The following ATP6V0A4 variants were observed in gnomAD, a reference collection of about 807,000 sequenced individuals.
ATP6V0A4 encodes V-type proton ATPase 116 kDa subunit a 4.
In ATP6V0A4, 86 loss-of-function variants were observed where a neutral mutation model predicts 107.3. The observed-to-expected ratio is 0.80, with a 90% confidence interval of 0.67 to 0.96. The LOEUF (loss-of-function observed/expected upper bound fraction) is 0.96. Ranked by LOEUF, ATP6V0A4 falls within the 40% of genes least tolerant of loss-of-function variation. The probability of loss-of-function intolerance (pLI) is 0.00; values close to 1 mark genes in which losing one functional copy is unlikely to be tolerated. For missense variants in ATP6V0A4, 908 were observed against 1,045.6 expected (o/e 0.87, Z 1.81); for synonymous variants, 353 against 381.4 (o/e 0.93, Z 0.87).
intron 21 of ATP6V0A4, among the ~76,000 whole-genome samples, chr7:138,707,175 T>TTA (rs1554385790): frequency 5.3e-5 from 3 of 56,682 alleles, no homozygotes; most frequent in Middle Eastern, 7.2e-3. Flanking sequence ...ATTATATATA[T>TTA]TATATAATAT....
In ATP6V0A4 at chr7:138,722,001, C is replaced by G; in HGVS notation, c.2035G>C (p.Asp679His). ...SQLQASRIQEDATENIEGDSS... is the reference protein window; with the variant it reads ...SQLQASRIQEHATENIEGDSS... ...TCACCTTCAATGTTCTCAGTGGCAT[C>G]TTCTTGGATCCTGGATGCCTGCAGC... Residue 679 changes from aspartate (D) to histidine (H), a missense_variant, in exon 19 of 22, where the codon GAT becomes CAT. By Grantham distance (81) the Asp-to-His change is moderately conservative. Coordinates refer to ENST00000310018, the MANE Select transcript of ATP6V0A4 (RefSeq NM_020632.3). 1 of 1,614,170 alleles carries G rather than the reference C, an allele frequency of 6.2e-7. No homozygotes were observed. The highest frequency in any genetic ancestry group is 8.5e-7 in the Non-Finnish European group (1 of 1,180,026).
rs532393068 is a variant in ATP6V0A4 at position 138,771,751 on chromosome 7, C to A, written c.-17-487G>T. The stretch of plus-strand genomic sequence containing the variant: ...CCTCCTGCCTCAGCCTCCTATGTAG[C>A]TGGGACTGCAGGTGTGCACCACCAC... On this transcript the variant is annotated intron_variant, in intron 2 of 21. Coordinates refer to ENST00000310018, the MANE Select transcript of ATP6V0A4 (RefSeq NM_020632.3). 3.3e-5 allele frequency among the ~76,000 whole-genome samples: 5 copies of A among 152,264 alleles called. No individual in the cohort carries two copies. In the East Asian group the frequency reaches 9.7e-4, roughly 29 times the overall value.
intron 2 of ATP6V0A4, among the ~76,000 whole-genome samples, chr7:138,774,453 TGCCTGTAATCCCA>T (rs977770307): frequency 2.6e-5 from 4 of 151,588 alleles, no homozygotes; most frequent in Non-Finnish European, 5.9e-5. Flanking sequence ...TGGTGGCGGG[TGCCTGTAATCCCA>T]GCTACTCAGG....
At chr7:138,744,091 G>A (rs1444595520) in intron 14 of ATP6V0A4, among the ~76,000 whole-genome samples, 1 of 152,114 alleles carries the variant, frequency 6.6e-6, no homozygotes, top group African/African-American at 2.4e-5. Context: ...TAGGGGAAGG[G>A]TGGACTGTGG....
chr7:138,738,114 C>CAT (rs1805439808), intron 15 of ATP6V0A4, among the ~76,000 whole-genome samples: 1 of 152,130 alleles, frequency 6.6e-6, no homozygotes, highest in South Asian at 2.1e-4. Flanking sequence ...TTTTTTAAAT[C>CAT]ATATATATGT....
chr7:138,749,910 C>T (rs367907132), intron 11 of ATP6V0A4, among the ~76,000 whole-genome samples: 55 of 152,302 alleles, frequency 3.6e-4, no homozygotes, highest in African/African-American at 1.1e-3. Flanking sequence ...GTTCTCCTTT[C>T]GGAATCTTTC....
At chr7:138,758,739 ATTTTTTTTTTTTTTTTTT>A (rs398006555) in intron 8 of ATP6V0A4, among the ~76,000 whole-genome samples, 8 of 59,178 alleles carry the variant, frequency 1.4e-4, no homozygotes, top group Admixed American at 6.7e-4. Flanking sequence ...CTGACTCAGA[ATTTTTTTTTTTTTTTTTT>A]TTTTTTTTTT....
chr7:138,716,823 C>G (rs1804065604), intron 19 of ATP6V0A4, among the ~76,000 whole-genome samples: 1 of 152,152 alleles, frequency 6.6e-6, no homozygotes, highest in African/African-American at 2.4e-5. Context: ...CTCAGCCTCC[C>G]AAAGTGCTGG....
chr7:138,759,050 C>CAA lies in ATP6V0A4; in HGVS notation c.639+701_639+702insTT, dbSNP rs1806653616. Reference sequence around the variant, plus strand: ...ACAGGCATGAGCCACCATGCCCAGCCTATTTTTTTTTTTTTTTTTTTTTTT... The same window carrying CAA: ...ACAGGCATGAGCCACCATGCCCAGCCAATATTTTTTTTTTTTTTTTTTTTTTT... On this transcript the variant is annotated intron_variant, in intron 8 of 21. Coordinates refer to ENST00000310018, the MANE Select transcript of ATP6V0A4 (RefSeq NM_020632.3). Among the ~76,000 whole-genome samples the CAA allele has an allele frequency of 3.3e-5, 3 of 91,978 alleles. No homozygotes were observed. In the South Asian group the frequency reaches 1.3e-3, roughly 41 times the overall value. The allele number at this position is 91,978 out of a possible 152,430, so 60.3% of individuals were successfully genotyped here. A position where few individuals can be genotyped will look rare whatever the true frequency, so the allele number is the denominator to read the frequency against.
chr7:138,708,766 G>T (rs1019728342), intron 21 of ATP6V0A4, among the ~76,000 whole-genome samples: 5 of 152,050 alleles, frequency 3.3e-5, no homozygotes, highest in African/African-American at 1.2e-4. Context: ...CCTCTACTCA[G>T]CAACAAGAGC....
chr7:138,712,625 C>G (rs1418124135), intron 20 of ATP6V0A4, among the ~76,000 whole-genome samples: 1 of 152,150 alleles, frequency 6.6e-6, no homozygotes, highest in Non-Finnish European at 1.5e-5. Flanking sequence ...CACATTACCT[C>G]TTTAAGCAAC....
intron 2 of ATP6V0A4, among the ~76,000 whole-genome samples, chr7:138,782,988 T>C (rs904262832): frequency 9.2e-5 from 14 of 152,004 alleles, no homozygotes; most frequent in Non-Finnish European, 5.9e-5. Flanking sequence ...GGAAGGAGAA[T>C]TGCTTGAACC....
At chr7:138,709,908 C>T (rs930902148) in intron 20 of ATP6V0A4, 113 bp from the exon 21 acceptor site, 3 of 1,249,694 alleles carry the variant, frequency 2.4e-6, no homozygotes. Context: ...GAGACAGGGT[C>T]TCACTCTGTT....
intron 5 of ATP6V0A4, among the ~76,000 whole-genome samples, chr7:138,767,587 G>A (rs1807158232): frequency 6.7e-6 from 1 of 150,134 alleles, no homozygotes; most frequent in Non-Finnish European, 1.5e-5. Flanking sequence ...TTCTATGTGA[G>A]TATCAAGATT....
At chr7:138,723,523 C>CTTTTTTTT (rs10528520) in intron 18 of ATP6V0A4, among the ~76,000 whole-genome samples, 84 of 128,224 alleles carry the variant, frequency 6.6e-4, no homozygotes, top group East Asian at 1.9e-3. Context: ...TCTTTCTTTT[C>CTTTTTTTT]TTTTTTTTTT....
At chr7:138,766,847 C>A (rs1254910962) in intron 5 of ATP6V0A4, among the ~76,000 whole-genome samples, 1 of 152,194 alleles carries the variant, frequency 6.6e-6, no homozygotes, top group Non-Finnish European at 1.5e-5. Flanking sequence ...TCAAGACAGG[C>A]TCTATGCTGG....
At chr7:138,797,157 C>T (rs1808712155) in intron 1 of ATP6V0A4, among the ~76,000 whole-genome samples, 1 of 151,866 alleles carries the variant, frequency 6.6e-6, no homozygotes, top group Non-Finnish European at 1.5e-5. Context: ...TTCCCCTCTC[C>T]CCCTGTCAAA....
chr7:138,737,475 T>G (rs1805397188), intron 15 of ATP6V0A4, among the ~76,000 whole-genome samples: 1 of 151,796 alleles, frequency 6.6e-6, no homozygotes, highest in Non-Finnish European at 1.5e-5. Flanking sequence ...ATCACCAGCA[T>G]GAAAAGGGAC....
At chr7:138,780,875 A>G (rs1362220097) in intron 2 of ATP6V0A4, among the ~76,000 whole-genome samples, 1 of 152,150 alleles carries the variant, frequency 6.6e-6, no homozygotes, top group Non-Finnish European at 1.5e-5. Context: ...TCTGCACTCC[A>G]GCCTGGGTGA....
Sources: gnomAD v4.1 joint callset for allele counts (sites outside exome capture counted in the v4.1 genomes callset) on GRCh38, gnomAD v4.1.1 for gene constraint, MANE v1.5 for transcripts, NCBI Gene and HGNC (gene_info 2026-07-23, HGNC 2026-07-21) for gene names.